RPS6KA2: variants seen among roughly 807,000 people sequenced by gnomAD.
RPS6KA2 encodes the protein ribosomal protein S6 kinase A2, also known as ribosomal protein S6 kinase alpha-2.
Under a neutral mutation model 91.8 loss-of-function variants are expected in RPS6KA2, and 42 were observed. The ratio of observed to expected loss-of-function variants is 0.46; its 90% CI spans 0.36 to 0.59. RPS6KA2 has a LOEUF of 0.59. Among genes scored for constraint, RPS6KA2 ranks in the 20% least tolerant of loss-of-function variants. RPS6KA2 has a pLI of 0.00. For synonymous variants in RPS6KA2, 414 were observed against 393.6 expected (o/e 1.05, Z -0.61); for missense variants, 798 against 978.5 (o/e 0.82, Z 2.46).
intron 1 of RPS6KA2, chr6:166,862,067 C>G (rs1291216672): frequency 5.6e-6 from 9 of 1,613,860 alleles, no homozygotes; most frequent in African/African-American, 5.3e-5. Context: ...AGTTCGGATT[C>G]TTGAGGATGC....
At chr6:166,764,553 C>T (rs933724858) in intron 2 of RPS6KA2, among the ~76,000 whole-genome samples, 2 of 151,880 alleles carry the variant, frequency 1.3e-5, no homozygotes, top group Non-Finnish European at 2.9e-5. Flanking sequence ...GAGGCCATGC[C>T]GCAGGCCTAG....
At position 166,665,386 on chromosome 6, in the gene RPS6KA2, C is replaced by G. The variant is rs899395514; in HGVS notation, c.124-126602G>C. ...CTGGGCTTTGTCTGGTGTGCCTATA[C>G]CCAATGTCACCCAAACCCAAAGAAG... is the stretch of plus-strand genomic sequence containing the variant. On this transcript the variant is annotated intron_variant, in intron 2 of 21. Transcript: ENST00000503859. The surrounding 1 kb of genome is among the most constrained non-coding windows in gnomAD (Gnocchi z 4.5). 5.9e-5 allele frequency among the ~76,000 whole-genome samples: 9 copies of G among 152,094 alleles called. No individual in the cohort carries two copies. The highest frequency in any genetic ancestry group is 2.2e-4 in the African/African-American group (9 of 41,404).
At chr6:166,862,100 G>A (rs746771618) in intron 1 of RPS6KA2, 1 of 1,614,180 alleles carries the variant, frequency 6.2e-7, no homozygotes, top group Non-Finnish European at 8.5e-7. Flanking sequence ...GTTCTCTCCT[G>A]CACTCACCTC....
chr6:166,828,456 A>T (rs1028576492), intron 2 of RPS6KA2, among the ~76,000 whole-genome samples: 1 of 152,240 alleles, frequency 6.6e-6, no homozygotes, highest in Non-Finnish European at 1.5e-5. Context: ...TCCTTCCAGA[A>T]TTCTTTTGCT....
chr6:166,450,972 A>G (rs578172564), intron 13 of RPS6KA2, 131 bp downstream of exon 13: 64 of 1,054,566 alleles, frequency 6.1e-5, no homozygotes, highest in Non-Finnish European at 7.7e-5. Flanking sequence ...GTGTGAGGGA[A>G]GAATTGGTGA....
intron 1 of RPS6KA2, among the ~76,000 whole-genome samples, chr6:166,577,826 A>G (rs1784882990): frequency 6.6e-6 from 1 of 152,136 alleles, no homozygotes; most frequent in Non-Finnish European, 1.5e-5. Context: ...GGAATGATAT[A>G]GTTTGGTTCT....
intron 2 of RPS6KA2, among the ~76,000 whole-genome samples, chr6:166,660,768 T>G (rs2128557499): frequency 6.6e-6 from 1 of 152,240 alleles, no homozygotes; most frequent in East Asian, 1.9e-4. Context: ...TTTCCTCGGG[T>G]TTTCTGACGG....
chr6:166,536,153 G>C (rs185650559), intron 2 of RPS6KA2, among the ~76,000 whole-genome samples: 314 of 152,378 alleles, frequency 2.1e-3, no homozygotes, highest in African/African-American at 7.4e-3. Flanking sequence ...GAGTGGCTCA[G>C]TGACAGGCAA....
chr6:166,543,472 T>C (rs1216758471), intron 1 of RPS6KA2, among the ~76,000 whole-genome samples: 4 of 152,160 alleles, frequency 2.6e-5, no homozygotes, highest in Non-Finnish European at 5.9e-5. Context: ...ATCTTACCCA[T>C]TGCTAAATCG....
intron 2 of RPS6KA2, among the ~76,000 whole-genome samples, chr6:166,684,384 G>A (rs1394166958): frequency 6.6e-6 from 1 of 152,176 alleles, no homozygotes; most frequent in Non-Finnish European, 1.5e-5. Context: ...ATGACTGCAG[G>A]CCTGCCCTGA....
intron 2 of RPS6KA2, among the ~76,000 whole-genome samples, chr6:166,780,049 C>T (rs1020690284): frequency 1.3e-5 from 2 of 152,184 alleles, no homozygotes; most frequent in African/African-American, 4.8e-5. Flanking sequence ...TGCTTTTCTT[C>T]ATGGTGGGAG....
chr6:166,820,810 C>G (rs1172004103), intron 2 of RPS6KA2, among the ~76,000 whole-genome samples: 5 of 152,148 alleles, frequency 3.3e-5, no homozygotes, highest in Non-Finnish European at 5.9e-5. Flanking sequence ...GCCTCCTTAA[C>G]AAAAAGTAAT....
intron 10 of RPS6KA2, among the ~76,000 whole-genome samples, chr6:166,481,834 T>G (rs903929102): frequency 1.3e-5 from 2 of 150,500 alleles, no homozygotes; most frequent in African/African-American, 4.9e-5. Flanking sequence ...ACCTCTCTGA[T>G]CGATCTTAAA....
upstream of RPS6KA2, among the ~76,000 whole-genome samples, chr6:166,630,978 G>GCTT (rs914446528): frequency 1.3e-5 from 2 of 152,170 alleles, no homozygotes; most frequent in African/African-American, 4.8e-5. Context: ...TCAGGGAAGG[G>GCTT]CTTCTTGGGC....
rs558024589 is a variant in RPS6KA2, at chr6:166,618,512, G to A, written c.99+8409C>T. 1.1e-3 allele frequency among the ~76,000 whole-genome samples: 172 copies of A among 152,318 alleles called. 1 individual carries two copies. Among genetic ancestry groups the A allele is most frequent in the African/African-American group, 3.9e-3 (163 of 41,570 alleles). Reference sequence around the variant, plus strand: ...GATCACTGGGGTAGAGAGGTGACCTGGAGGGAGGTCAGCGTGGGCAGGGGT... The same window carrying A: ...GATCACTGGGGTAGAGAGGTGACCTAGAGGGAGGTCAGCGTGGGCAGGGGT... On this transcript the variant is annotated intron_variant, in intron 1 of 20. Coordinates refer to ENST00000265678, the MANE Select transcript of RPS6KA2 (RefSeq NM_021135.6).
intron 2 of RPS6KA2, among the ~76,000 whole-genome samples, chr6:166,691,726 A>G (rs1026470679): frequency 3.3e-5 from 5 of 152,202 alleles, no homozygotes; most frequent in African/African-American, 9.6e-5. Context: ...TAAATATTTC[A>G]TCTTCAAAAG....
At chr6:166,714,610 G>A (rs1789959058) in intron 2 of RPS6KA2, among the ~76,000 whole-genome samples, 1 of 152,224 alleles carries the variant, frequency 6.6e-6, no homozygotes, top group African/African-American at 2.4e-5. Flanking sequence ...ACAGCCACCT[G>A]GAGACAGAGG....
At chr6:166,777,062 T>A (rs544141024) in intron 2 of RPS6KA2, among the ~76,000 whole-genome samples, 7 of 152,252 alleles carry the variant, frequency 4.6e-5, no homozygotes, top group African/African-American at 1.4e-4. Context: ...GCTTGGGTTT[T>A]AATATGCTGG....
At chr6:166,755,030 C>T (rs1777968294) in intron 2 of RPS6KA2, among the ~76,000 whole-genome samples, 1 of 152,208 alleles carries the variant, frequency 6.6e-6, no homozygotes, top group East Asian at 1.9e-4. Flanking sequence ...CGAGCCCCTC[C>T]TCGTAACCTG....
Sources: allele counts gnomAD v4.1 joint callset (sites outside exome capture counted in the v4.1 genomes callset), GRCh38; gene constraint gnomAD v4.1.1; non-coding constraint Gnocchi (gnomAD v3.1); transcripts MANE v1.5; gene names NCBI Gene and HGNC (gene_info 2026-07-23, HGNC 2026-07-21).